Variants in GGH observed in about 807,000 individuals in gnomAD.
GGH encodes gamma-Glu-X carboxypeptidase.
GGH carries 18 observed loss-of-function variants against 39.2 expected under a neutral mutation model. The observed-to-expected ratio is 0.46, with a 90% CI of 0.32 to 0.68. The LOEUF (loss-of-function observed/expected upper bound fraction) is 0.68. Among genes scored for constraint, GGH ranks in the 30% least tolerant of loss-of-function variants. The pLI is 0.04. For missense variants in GGH, 367 were observed against 384.1 expected (o/e 0.96, Z 0.37); for synonymous variants, 147 against 138.8 (o/e 1.06, Z -0.42).
At chr8:63,027,160 T>A (rs759306005) in intron 4 of GGH, 21 bp downstream of exon 4, 13 of 1,086,930 alleles carry the variant, frequency 1.2e-5, no homozygotes, top group Non-Finnish European at 1.9e-5. Context: ...TCTGGAATAA[T>A]AAGCAATAAC....
At chr8:63,029,632 C>T (rs1442874855) in intron 3 of GGH, among the ~76,000 whole-genome samples, 3 of 151,946 alleles carry the variant, frequency 2.0e-5, no homozygotes, top group Non-Finnish European at 4.4e-5. Context: ...ATTTACATTC[C>T]CTCTAATAAA....
intron 4 of GGH, chr8:63,026,860 CAT>C (rs75467641): frequency 0.12 from 31,729 of 271,406 alleles, 2,287 homozygotes; most frequent in East Asian, 0.34. Flanking sequence ...GAATTAATAA[CAT>C]AGAAACAATG....
chr8:63,025,637 A>T (rs775471065), intron 5 of GGH, among the ~76,000 whole-genome samples: 21 of 152,266 alleles, frequency 1.4e-4, no homozygotes, highest in Non-Finnish European at 2.5e-4. Flanking sequence ...GGGCTGAGGC[A>T]GGAGAATCCC....
At chr8:63,036,715 C>T (rs917722351) in intron 1 of GGH, among the ~76,000 whole-genome samples, 5 of 152,090 alleles carry the variant, frequency 3.3e-5, no homozygotes, top group African/African-American at 1.2e-4. Flanking sequence ...AAAGAGCAAT[C>T]CAGGACAAAG....
chr8:63,032,021 A>C (rs79713082), intron 2 of GGH, among the ~76,000 whole-genome samples: 74 of 152,168 alleles, frequency 4.9e-4, no homozygotes, highest in African/African-American at 1.7e-3. Flanking sequence ...AGACTCTTAT[A>C]AAGTTTGATT....
intron 1 of GGH, among the ~76,000 whole-genome samples, chr8:63,037,990 T>A (rs1183563308): frequency 6.6e-6 from 1 of 152,230 alleles, no homozygotes; most frequent in Non-Finnish European, 1.5e-5. Flanking sequence ...ACAAATTTCT[T>A]TGGGCAAATT....
rs1804775149 is a variant in GGH, at chr8:63,030,083, T to C, written c.275+84A>G. The C allele has an allele frequency of 2.3e-5, 16 of 685,976 alleles. 1 individual carries two copies. The South Asian group carries it at 2.9e-4, about 12-fold the overall frequency. 42.5% of individuals were successfully genotyped at this position (685,976 alleles called of 1,614,324 possible). ...TCTAAGACAGTTACATAGAAACATGTATAATATTTATATGATTTCTTTTAC... is the reference window on the plus strand; with the variant it reads ...TCTAAGACAGTTACATAGAAACATGCATAATATTTATATGATTTCTTTTAC... On this transcript the variant is annotated intron_variant, in intron 3 of 8. Coordinates refer to ENST00000260118, the MANE Select transcript of GGH (RefSeq NM_003878.3).
rs201776459 is a variant in GGH, at chr8:63,037,917, G to GA, written c.109+742dup. ...ACAGAATACAGTGATAATATTCATA[G>GA]AAAAAAATAGTATGAAAGGCATAAT... On this transcript the variant is annotated intron_variant, in intron 1 of 8. Coordinates refer to ENST00000260118, the MANE Select transcript of GGH (RefSeq NM_003878.3). Among the ~76,000 whole-genome samples, 275 of 152,176 alleles carry GA rather than the reference G, an allele frequency of 1.8e-3. 1 individual carries two copies. In the East Asian group the frequency reaches 0.018, roughly 10 times the overall value.
At position 63,018,593 on chromosome 8, in the gene GGH, C is replaced by T. The variant is rs114746001; in HGVS notation, c.698-963G>A. Among the ~76,000 whole-genome samples the T allele has an allele frequency of 5.2e-3, 796 of 152,276 alleles. 6 individuals are homozygous for T. The highest frequency in any genetic ancestry group is 0.018 in the African/African-American group (758 of 41,532). ...GGTATTCACGAGAGGAAACACCTGC[C>T]TCATGCAGCTCCAGGCACTCAGCTC... is the stretch of plus-strand genomic sequence containing the variant. On this transcript the variant is annotated intron_variant, in intron 7 of 8. Coordinates refer to ENST00000260118, the MANE Select transcript of GGH (RefSeq NM_003878.3).
At chr8:63,028,841 A>C (rs1804748401) in intron 3 of GGH, among the ~76,000 whole-genome samples, 1 of 152,182 alleles carries the variant, frequency 6.6e-6, no homozygotes, top group African/African-American at 2.4e-5. Flanking sequence ...ATTCCTCTCC[A>C]AACAGGAATG....
chr8:63,024,315 ACAT>A, intron 5 of GGH, 129 bp from the exon 6 acceptor site: 1 of 594,002 alleles, frequency 1.7e-6, no homozygotes, highest in Non-Finnish European at 3.0e-6. Context: ...TATGCAAAAC[ACAT>A]CATTTCCATA....
chr8:63,017,646 A>C lies in GGH; in HGVS notation c.698-16T>G. The C allele has an allele frequency of 6.6e-7, 1 of 1,516,680 alleles. No homozygotes were observed. Among genetic ancestry groups the C allele is most frequent in the Middle Eastern group, 1.7e-4 (1 of 5,806 alleles). The allele number at this position is 1,516,680 out of a possible 1,614,324, so 94.0% of individuals were successfully genotyped here. On this transcript the variant is annotated splice_polypyrimidine_tract_variant and intron_variant, in intron 7 of 8. Coordinates refer to ENST00000260118, the MANE Select transcript of GGH (RefSeq NM_003878.3). Reference sequence around the variant, plus strand: ...TACTTATATCCTGTAAGAAGAACACAAATTAGTAAGTACTAAGAATGGTTT... The same window carrying C: ...TACTTATATCCTGTAAGAAGAACACCAATTAGTAAGTACTAAGAATGGTTT...
intron 2 of GGH, among the ~76,000 whole-genome samples, chr8:63,032,947 A>AT (rs1010079954): frequency 2.7e-4 from 41 of 152,162 alleles, no homozygotes; most frequent in African/African-American, 9.7e-4. Context: ...TGTACTGGTG[A>AT]TTTTTTTAAA....
At chr8:63,028,990 A>C (rs925014794) in intron 3 of GGH, among the ~76,000 whole-genome samples, 1 of 152,238 alleles carries the variant, frequency 6.6e-6, no homozygotes, top group Non-Finnish European at 1.5e-5. Context: ...TGGGCATTGT[A>C]AATGTTTTAC....
chr8:63,035,126 G>C (rs1804881272), intron 2 of GGH, among the ~76,000 whole-genome samples: 1 of 151,606 alleles, frequency 6.6e-6, no homozygotes, highest in South Asian at 2.1e-4. Context: ...TTTCATTCTT[G>C]ATGTTAATGC....
intron 8 of GGH, among the ~76,000 whole-genome samples, chr8:63,016,945 G>A (rs929917736): frequency 6.6e-6 from 1 of 152,138 alleles, no homozygotes; most frequent in East Asian, 1.9e-4. Flanking sequence ...TCTTGGAAAA[G>A]TAACACCTAA....
At chr8:63,032,124 C>T (rs1041250128) in intron 2 of GGH, among the ~76,000 whole-genome samples, 1 of 152,168 alleles carries the variant, frequency 6.6e-6, no homozygotes. Context: ...ACCTCCACCT[C>T]CTGGGCTCAA....
At chr8:63,033,000 C>G (rs1380507847) in intron 2 of GGH, among the ~76,000 whole-genome samples, 1 of 152,176 alleles carries the variant, frequency 6.6e-6, no homozygotes, top group African/African-American at 2.4e-5. Context: ...GTAAGCCAAG[C>G]CCTCAACACT....
chr8:63,015,575 TG>T, intron 8 of GGH, 122 bp from the exon 9 acceptor site: 1 of 549,716 alleles, frequency 1.8e-6, no homozygotes, highest in Non-Finnish European at 3.1e-6. Flanking sequence ...AGAAGAGAAA[TG>T]CGACTGCTCT....
Sources: allele counts gnomAD v4.1 joint callset (sites outside exome capture counted in the v4.1 genomes callset), GRCh38; gene constraint gnomAD v4.1.1; transcripts MANE v1.5; gene names NCBI Gene and HGNC (gene_info 2026-07-23, HGNC 2026-07-21).